Variants in SLC30A8 observed in about 807,000 individuals in gnomAD.
SLC30A8 encodes proton-coupled zinc antiporter SLC30A8.
SLC30A8 carries 27 observed loss-of-function variants against 36.9 expected under a neutral mutation model. That is an observed-to-expected ratio of 0.73 (90% CI 0.54 to 1.01). The LOEUF is 1.01. Among genes scored for constraint, SLC30A8 ranks in the 50% least tolerant of loss-of-function variants. The pLI is 0.00. For missense variants in SLC30A8, 439 were observed against 452.0 expected (o/e 0.97, Z 0.26); for synonymous variants, 164 against 172.4 (o/e 0.95, Z 0.38).
chr8:117,020,808 C>T (rs535512238), intron 1 of SLC30A8, among the ~76,000 whole-genome samples: 5 of 152,180 alleles, frequency 3.3e-5, no homozygotes, highest in African/African-American at 9.6e-5. Context: ...TATCAAACAA[C>T]GTTATGACCC....
intron 5 of SLC30A8, among the ~76,000 whole-genome samples, chr8:117,163,004 C>A (rs1822872536): frequency 6.6e-6 from 1 of 152,204 alleles, no homozygotes; most frequent in African/African-American, 2.4e-5. Flanking sequence ...TGGCCACATG[C>A]AATTTCTGAA....
intron 1 of SLC30A8, among the ~76,000 whole-genome samples, chr8:117,015,068 TG>T (rs888832265): frequency 1.8e-4 from 27 of 151,436 alleles, no homozygotes; most frequent in African/African-American, 5.3e-4. Context: ...GGGATGAAGG[TG>T]GAAATTCTTT....
rs557923158 is a variant in SLC30A8, at chr8:117,172,956, A to G, written c.*275A>G. On this transcript the variant is annotated 3_prime_UTR_variant, in exon 8 of 8. Transcript: ENST00000456015. ...TGGAGCCGAAGTAACAGCTGTTTGT[A>G]ACTATCGGCAATACCAAATTCATCT... 142 of 383,414 alleles carry G rather than the reference A, an allele frequency of 3.7e-4. No individual in the cohort carries two copies. The highest frequency in any genetic ancestry group is 2.8e-3 in the African/African-American group (136 of 48,778). The allele number at this position is 383,414 out of a possible 1,614,324, so 23.8% of individuals were successfully genotyped here.
At position 117,161,908 on chromosome 8, in the gene SLC30A8, C is replaced by T; in HGVS notation, c.723+20C>T. On this transcript the variant is annotated intron_variant, in intron 5 of 7. Coordinates refer to ENST00000456015, the MANE Select transcript of SLC30A8 (RefSeq NM_173851.3). ...TTTAAGGTGAGTTTGAGTTTACCCA[C>T]CATCCTAGTACTTATGTAGATTAGG... The T allele has an allele frequency of 6.2e-7, 1 of 1,606,198 alleles. No homozygotes were observed. Among genetic ancestry groups the T allele is most frequent in the East Asian group, 2.2e-5 (1 of 44,698 alleles).
intron 2 of SLC30A8, among the ~76,000 whole-genome samples, chr8:117,150,584 C>T (rs1044345966): frequency 7.9e-5 from 12 of 152,244 alleles, no homozygotes; most frequent in East Asian, 3.9e-4. Context: ...AATTTCCCTT[C>T]GCTAACACTA....
intron 2 of SLC30A8, among the ~76,000 whole-genome samples, chr8:117,056,853 G>A (rs1052586626): frequency 3.3e-5 from 5 of 152,128 alleles, no homozygotes; most frequent in Admixed American, 3.3e-4. Context: ...CAAATATAGG[G>A]AGGCATTGCT....
At chr8:117,104,305 G>T (rs1819873741) in intron 2 of SLC30A8, among the ~76,000 whole-genome samples, 1 of 152,094 alleles carries the variant, frequency 6.6e-6, no homozygotes, top group African/African-American at 2.4e-5. Context: ...GCCACACTCT[G>T]TTTGGGAACC....
chr8:117,002,967 A>T (rs980010905), intron 1 of SLC30A8, among the ~76,000 whole-genome samples: 1 of 152,174 alleles, frequency 6.6e-6, no homozygotes, highest in African/African-American at 2.4e-5. Context: ...ATATTTTATC[A>T]TGCCCAGATT....
chr8:117,053,232 G>A (rs1213435937), intron 2 of SLC30A8, among the ~76,000 whole-genome samples: 1 of 152,110 alleles, frequency 6.6e-6, no homozygotes, highest in Non-Finnish European at 1.5e-5. Flanking sequence ...TCTGGCTGAA[G>A]CCTCCTGTCT....
chr8:117,168,824 C>T (rs934450160), intron 6 of SLC30A8, among the ~76,000 whole-genome samples: 1 of 152,124 alleles, frequency 6.6e-6, no homozygotes. Context: ...ATACTCAGAG[C>T]ACAGACATTG....
At chr8:117,055,109 C>T (rs966263345) in intron 2 of SLC30A8, among the ~76,000 whole-genome samples, 5 of 152,166 alleles carry the variant, frequency 3.3e-5, no homozygotes, top group Non-Finnish European at 7.3e-5. Context: ...TGATAATGAG[C>T]TTCAATCAGA....
intron 2 of SLC30A8, among the ~76,000 whole-genome samples, chr8:117,075,942 C>T (rs1250168190): frequency 6.6e-6 from 1 of 152,178 alleles, no homozygotes; most frequent in African/African-American, 2.4e-5. Flanking sequence ...TTCAGATACA[C>T]AATATGGGTT....
rs2129787143 is a variant in SLC30A8, at chr8:117,172,754, T to C, written c.*73T>C. The C allele has an allele frequency of 3.2e-6, 5 of 1,543,516 alleles. No individual in the cohort carries two copies. Among genetic ancestry groups the C allele is most frequent in the East Asian group, 4.5e-5 (2 of 44,238 alleles). Reference sequence around the variant, plus strand: ...ATGCTGCTATGCAGTTTCTGCATCATAGAAAATAAGGAACCAAAGGAAGAA... The same window carrying C: ...ATGCTGCTATGCAGTTTCTGCATCACAGAAAATAAGGAACCAAAGGAAGAA... On this transcript the variant is annotated 3_prime_UTR_variant, in exon 8 of 8. Coordinates refer to ENST00000456015, the MANE Select transcript of SLC30A8 (RefSeq NM_173851.3).
chr8:117,042,765 T>C (rs752441206), intron 2 of SLC30A8, among the ~76,000 whole-genome samples: 3 of 151,908 alleles, frequency 2.0e-5, no homozygotes, highest in Non-Finnish European at 4.4e-5. Flanking sequence ...AACCTCCGCC[T>C]CCCGGGTTCA....
intron 2 of SLC30A8, among the ~76,000 whole-genome samples, chr8:117,109,957 C>G (rs537439353): frequency 6.6e-6 from 1 of 152,158 alleles, no homozygotes; most frequent in Admixed American, 6.5e-5. Context: ...CTTAGAATTA[C>G]GCTTTCTTTA....
intron 2 of SLC30A8, among the ~76,000 whole-genome samples, chr8:117,086,556 G>A (rs1011695621): frequency 6.6e-6 from 1 of 152,188 alleles, no homozygotes; most frequent in African/African-American, 2.4e-5. Flanking sequence ...AGGTCAAACT[G>A]GTTTAGACTT....
In SLC30A8 at chr8:117,033,162, C is replaced by A. The variant is rs1817109895; in HGVS notation, c.-265-6057C>A. ...CTCTTAGGTATACATCCAAAAGTAT[C>A]AAAAGCAGGTATTCAAATAAATACA... On this transcript the variant is annotated intron_variant, in intron 1 of 10. Transcript: ENST00000427715. 2.0e-5 allele frequency among the ~76,000 whole-genome samples: 3 copies of A among 152,176 alleles called. 1 individual carries two copies. Among genetic ancestry groups the A allele is most frequent in the Non-Finnish European group, 4.4e-5 (3 of 68,024 alleles).
intron 5 of SLC30A8, among the ~76,000 whole-genome samples, chr8:117,163,162 G>A (rs1380246302): frequency 6.6e-6 from 1 of 152,194 alleles, no homozygotes; most frequent in Non-Finnish European, 1.5e-5. Flanking sequence ...GCAAACTTAA[G>A]AATATTCTTC....
chr8:117,117,064 T>C (rs1007187071), intron 2 of SLC30A8, among the ~76,000 whole-genome samples: 1 of 151,944 alleles, frequency 6.6e-6, no homozygotes, highest in African/African-American at 2.4e-5. Context: ...GAAAAATAAT[T>C]TGTAGCTATC....
Sources: allele counts gnomAD v4.1 joint callset (sites outside exome capture counted in the v4.1 genomes callset), GRCh38; gene constraint gnomAD v4.1.1; transcripts MANE v1.5; gene names NCBI Gene and HGNC (gene_info 2026-07-23, HGNC 2026-07-21).